Variants in ZNF503 observed in about 807,000 individuals in gnomAD.
The protein encoded by ZNF503 is NocA-like zinc finger 2.
Under a neutral mutation model 34.4 loss-of-function variants are expected in ZNF503, and 15 were observed. That is an observed-to-expected ratio of 0.44 (90% CI 0.29 to 0.67). The LOEUF (loss-of-function observed/expected upper bound fraction) is 0.67, where lower values mean the gene tolerates loss of function less well. Ranked by LOEUF, ZNF503 falls within the 30% of genes least tolerant of loss-of-function variation. The probability of loss-of-function intolerance (pLI) is 0.13; values close to 1 mark genes in which losing one functional copy is unlikely to be tolerated. For missense variants in ZNF503, 1,007 were observed against 926.8 expected (o/e 1.09, Z -1.12); for synonymous variants, 580 against 456.8 (o/e 1.27, Z -3.44).
At chr10:75,391,013 C>T in the ZNF503 span, among the ~76,000 whole-genome samples, 1 of 152,140 alleles carries the variant, frequency 6.6e-6, no homozygotes, top group East Asian at 1.9e-4. Flanking sequence ...TCTTAGAAGG[C>T]CACAAATCCT....
chr10:75,312,856 C>G, the ZNF503 span, among the ~76,000 whole-genome samples: 1 of 152,134 alleles, frequency 6.6e-6, no homozygotes, highest in African/African-American at 2.4e-5. Flanking sequence ...TGTAGTAATA[C>G]CCATGTGTCA....
At chr10:75,332,481 T>TA in the ZNF503 span, among the ~76,000 whole-genome samples, 1,057 of 138,098 alleles carry the variant, frequency 7.7e-3, 14 homozygotes, top group African/African-American at 0.027. Flanking sequence ...TTTTTTTTTT[T>TA]AATTTATTTT....
chr10:75,285,520 G>A, the ZNF503 span, among the ~76,000 whole-genome samples: 1 of 152,212 alleles, frequency 6.6e-6, no homozygotes, highest in East Asian at 1.9e-4. Context: ...AGAGACTTAA[G>A]TTGACTTGCA....
chr10:75,286,676 A>G, the ZNF503 span, among the ~76,000 whole-genome samples: 1 of 152,186 alleles, frequency 6.6e-6, no homozygotes. Flanking sequence ...GACTTGGTGC[A>G]TGAGAAGCCC....
At chr10:75,343,430 C>A in the ZNF503 span, 10,169 of 152,324 alleles carry the variant, frequency 0.067, 460 homozygotes, top group Middle Eastern at 0.11. Flanking sequence ...TGTGGAGGAA[C>A]CGAGGGTGGA....
chr10:75,310,242 G>C, the ZNF503 span, among the ~76,000 whole-genome samples: 1 of 152,144 alleles, frequency 6.6e-6, no homozygotes, highest in Non-Finnish European at 1.5e-5. Context: ...CTGAAGGGTG[G>C]ATAAAAGAAG....
Position 75,399,966 on chromosome 10 carries a change from G to C in ZNF503, c.724C>G (p.Leu242Val). The change falls in exon 2 of 2, where the codon CTG (leucine) becomes GTG (valine). Residue 242 changes from leucine to valine, a missense_variant. Transcript: ENST00000372524. The stretch of plus-strand genomic sequence containing the variant: ...TCCGGGGCACCCCCGGCCGAGGACA[G>C]CATACCTCCCGGCGAGCAGGCCGAG... ...SASACSPGGMLSSAGGAPEGK... is the reference protein window; with the variant it reads ...SASACSPGGMVSSAGGAPEGK... 6.2e-7 allele frequency: 1 copy of C among 1,606,660 alleles called. No individual in the cohort carries two copies. The highest frequency in any genetic ancestry group is 1.1e-5 in the South Asian group (1 of 90,920).
At chr10:75,333,260 G>A in the ZNF503 span, among the ~76,000 whole-genome samples, 31 of 99,550 alleles carry the variant, frequency 3.1e-4, no homozygotes, top group Non-Finnish European at 5.0e-4. Flanking sequence ...CCTCCCGGAC[G>A]GGGCGGCTGG....
rs988912812 is a variant in ZNF503 at position 75,400,242 on chromosome 10, C to G, written c.448G>C (p.Gly150Arg). ...NGGGAGGAGG[G>R]AAGDKDTKSG... ...TTGGTGTCCTTGTCGCCCGCAGCAC[C>G]GCCGCCGGCACCGCCCGCGCCGCCC... Residue 150 changes from glycine to arginine, a missense_variant, in exon 2 of 2, where the codon GGT becomes CGT. Transcript: ENST00000372524. The G allele has an allele frequency of 2.5e-6, 4 of 1,611,698 alleles. No homozygotes were observed. The African/African-American group carries it at 4.0e-5, about 16-fold the overall frequency.
chr10:75,389,587 G>A, the ZNF503 span, among the ~76,000 whole-genome samples: 8 of 152,118 alleles, frequency 5.3e-5, no homozygotes, highest in Non-Finnish European at 8.8e-5. Flanking sequence ...AAAAATAGCC[G>A]GATGTGGTGG....
the ZNF503 span, among the ~76,000 whole-genome samples, chr10:75,352,455 C>A: frequency 1.3e-5 from 2 of 151,956 alleles, no homozygotes; most frequent in Admixed American, 1.3e-4. Context: ...GATTTGATAT[C>A]AATTCTCAGG....
At chr10:75,298,190 TTTTAC>T in the ZNF503 span, among the ~76,000 whole-genome samples, 1 of 152,230 alleles carries the variant, frequency 6.6e-6, no homozygotes, top group African/African-American at 2.4e-5. Flanking sequence ...TTAAAAATAA[TTTTAC>T]TAAGATATAA....
At chr10:75,384,482 C>G in the ZNF503 span, among the ~76,000 whole-genome samples, 1 of 152,044 alleles carries the variant, frequency 6.6e-6, no homozygotes, top group African/African-American at 2.4e-5. Flanking sequence ...ACAGGCAGGC[C>G]CCCACAGATA....
At chr10:75,351,456 G>A in the ZNF503 span, among the ~76,000 whole-genome samples, 54,723 of 151,944 alleles carry the variant, frequency 0.36, 10,108 homozygotes, top group Middle Eastern at 0.41. Flanking sequence ...ACCGGTGTGA[G>A]TCACCATGCC....
the ZNF503 span, among the ~76,000 whole-genome samples, chr10:75,343,538 A>G: frequency 1.3e-5 from 2 of 151,926 alleles, no homozygotes; most frequent in Non-Finnish European, 2.9e-5. Flanking sequence ...TCTACTCCCC[A>G]CTGCCCAAGG....
At chr10:75,357,272 C>G in the ZNF503 span, among the ~76,000 whole-genome samples, 3 of 151,764 alleles carry the variant, frequency 2.0e-5, no homozygotes, top group Non-Finnish European at 4.4e-5. Flanking sequence ...AATTCCAACA[C>G]TTTGGGGGGC....
chr10:75,401,666 G>T lies in ZNF503; in HGVS notation c.-247C>A, dbSNP rs1329029587. The T allele has an allele frequency of 1.4e-5, 7 of 499,588 alleles. No individual in the cohort carries two copies. The East Asian group carries it at 1.5e-4, about 11-fold the overall frequency. The allele number at this position is 499,588 out of a possible 1,614,324, so 30.9% of individuals were successfully genotyped here. A position where few individuals can be genotyped will look rare whatever the true frequency, so the allele number is the denominator to read the frequency against. ...ACTGCGGGAGTGCCGGGCGGCTCGC[G>T]GTGTCCGCCTCGGGCTGCTCCCCTG... On this transcript the variant is annotated 5_prime_UTR_variant, in exon 1 of 2. Coordinates refer to ENST00000372524, the MANE Select transcript of ZNF503 (RefSeq NM_032772.6).
At chr10:75,283,751 A>C in the ZNF503 span, 1 of 152,398 alleles carries the variant, frequency 6.6e-6, no homozygotes, top group African/African-American at 2.4e-5. Flanking sequence ...GGAGGGAGTT[A>C]AAGTTCTAAT....
chr10:75,332,901 C>T, the ZNF503 span, among the ~76,000 whole-genome samples: 4 of 142,568 alleles, frequency 2.8e-5, no homozygotes, highest in African/African-American at 8.0e-5. Context: ...GGCAACCATC[C>T]GAATTCTCAA....
Sources: gnomAD v4.1 joint callset for allele counts (sites outside exome capture counted in the v4.1 genomes callset) on GRCh38, gnomAD v4.1.1 for gene constraint, MANE v1.5 for transcripts, NCBI Gene and HGNC (gene_info 2026-07-23, HGNC 2026-07-21) for gene names.